Variants in DGKZ observed in about 807,000 individuals in gnomAD.
DGKZ encodes diacylglycerol kinase zeta, also known as DAG kinase zeta.
In DGKZ, 45 loss-of-function variants were observed where a neutral mutation model predicts 142.5. The ratio of observed to expected loss-of-function variants is 0.32; its 90% confidence interval spans 0.25 to 0.40. The LOEUF (loss-of-function observed/expected upper bound fraction) is 0.40, where lower values mean the gene tolerates loss of function less well. Ranked by LOEUF, DGKZ falls within the 10% of genes least tolerant of loss-of-function variation. The pLI, the probability that DGKZ is intolerant of heterozygous loss-of-function variation, is 1.00. For missense variants in DGKZ, 755 were observed against 1,306.5 expected (o/e 0.58, Z 6.51); for synonymous variants, 442 against 527.0 (o/e 0.84, Z 2.21).
At chr11:46,335,997 T>A (rs1362506473) in intron 1 of DGKZ, among the ~76,000 whole-genome samples, 1 of 152,136 alleles carries the variant, frequency 6.6e-6, no homozygotes, top group Non-Finnish European at 1.5e-5. Flanking sequence ...CAGCTAAACC[T>A]CCTACCCTGC....
At chr11:46,374,183 C>T (rs1164618841) in exon 15 of DGKZ, 2 of 1,614,228 alleles carry the variant, frequency 1.2e-6, no homozygotes, top group African/African-American at 1.3e-5. Flanking sequence ...TCAACAACTA[C>T]TTCAGCCTGG....
rs567919498 is a variant in DGKZ at position 46,380,126 on chromosome 11, G to A, written c.*179G>A. 306 of 631,476 alleles carry A rather than the reference G, an allele frequency of 4.8e-4. 1 individual carries two copies. The African/African-American group carries it at 5.2e-3, about 11-fold the overall frequency. 39.1% of individuals were successfully genotyped at this position (631,476 alleles called of 1,614,324 possible). ...TAGGGCTGGACTCAGGAGCTGGGGG[G>A]GCCTCACCTGTTCCCCTGAGGACCC... On this transcript the variant is annotated 3_prime_UTR_variant, in exon 31 of 31. Coordinates refer to ENST00000527911, the Ensembl canonical transcript of DGKZ.
intron 25 of DGKZ, chr11:46,377,479 A>T: frequency 2.0e-6 from 1 of 489,700 alleles, no homozygotes; most frequent in Non-Finnish European, 3.4e-6. Flanking sequence ...CCACCTGAGC[A>T]CTCCTCCCCA....
chr11:46,362,157 G>C (rs1033284129), intron 1 of DGKZ, among the ~76,000 whole-genome samples: 4 of 152,146 alleles, frequency 2.6e-5, no homozygotes, highest in African/African-American at 9.7e-5. Flanking sequence ...GCAGCTGCAG[G>C]CCCTTGCTCT....
At position 46,354,518 on chromosome 11, in the gene DGKZ, A is replaced by T. The variant is rs192814141; in HGVS notation, c.161+6698A>T. On this transcript the variant is annotated intron_variant, in intron 1 of 30. Transcript: ENST00000527911. ...GCCTCTGGAGTCTTTTTAAGAAATG[A>T]TTTTGAAATCTTTCTAAACACATTA... 2.7e-3 allele frequency among the ~76,000 whole-genome samples: 404 copies of T among 152,292 alleles called. 2 individuals carry two copies. Among genetic ancestry groups the T allele is most frequent in the African/African-American group, 9.4e-3 (390 of 41,548 alleles).
chr11:46,371,851 C>A, intron 9 of DGKZ, 76 bp downstream of exon 9: 2 of 1,520,178 alleles, frequency 1.3e-6, no homozygotes, highest in South Asian at 1.2e-5. Flanking sequence ...GAACTTCCAC[C>A]CCCAGCTAAT....
intron 5 of DGKZ, 52 bp downstream of exon 5, chr11:46,369,602 G>A: frequency 6.2e-7 from 1 of 1,607,358 alleles, no homozygotes. Flanking sequence ...TCCTGCATGG[G>A]CCTCTGCGCA....
Position 46,333,371 on chromosome 11 carries a change from CG to C in DGKZ, c.100del (p.Glu34ArgfsTer102). Reference sequence around the variant, plus strand: ...AGGTGGTGCGGCGGCGATGCCGGCGCGGGGAGGAGGCCCAGGTCGCGCAGCC... The same window carrying C: ...AGGTGGTGCGGCGGCGATGCCGGCGCGGGAGGAGGCCCAGGTCGCGCAGCC... On this transcript the variant is annotated frameshift_variant, in exon 1 of 31. Coordinates refer to the DGKZ transcript ENST00000343674. LOFTEE classifies it high-confidence loss of function. The C allele has an allele frequency of 7.2e-7, 1 of 1,380,516 alleles. No homozygotes were observed. 85.5% of individuals were successfully genotyped at this position (1,380,516 alleles called of 1,614,324 possible).
intron 1 of DGKZ, chr11:46,366,780 AC>A (rs1276239524): frequency 6.5e-7 from 1 of 1,547,852 alleles, no homozygotes; most frequent in Non-Finnish European, 8.7e-7. Context: ...GTATATGACC[AC>A]GCTCTCTGGG....
chr11:46,361,639 C>G, intron 1 of DGKZ: 4 of 985,586 alleles, frequency 4.1e-6, no homozygotes, highest in Non-Finnish European at 4.8e-6. Context: ...GGCCGCCAGC[C>G]CGGAGCTGGA....
intron 1 of DGKZ, among the ~76,000 whole-genome samples, chr11:46,357,507 T>C (rs1942167739): frequency 6.6e-6 from 1 of 152,292 alleles, no homozygotes; most frequent in South Asian, 2.1e-4. Context: ...TGGTCAGCCG[T>C]TGCATGTGGT....
In DGKZ at chr11:46,372,617, G is replaced by A. The variant is rs1402834139; in HGVS notation, c.1011G>A (p.Ala337=). 5.6e-6 allele frequency: 9 copies of A among 1,613,790 alleles called. No individual in the cohort carries two copies. The East Asian group carries it at 1.6e-4, about 28-fold the overall frequency. Residue 337 remains alanine, a splice_region_variant and synonymous_variant, in exon 12 of 31, where the codon GCG becomes GCA. Transcript: ENST00000527911. This position sits in a 1 kb window ranked among gnomAD's most constrained non-coding sequence, Gnocchi z 5.9. ...CACTGCCATCTTCCCATGAGCCCAG[G>A]CTGGAGATGTACCGCAAAGTGCACA...
intron 1 of DGKZ, among the ~76,000 whole-genome samples, chr11:46,334,615 G>A (rs967973158): frequency 2.0e-5 from 3 of 152,170 alleles, no homozygotes; most frequent in Non-Finnish European, 2.9e-5. Flanking sequence ...TTTCCAAGAA[G>A]CAAGATGCTC....
chr11:46,360,744 C>G (rs1356102205), intron 1 of DGKZ, among the ~76,000 whole-genome samples: 2 of 152,000 alleles, frequency 1.3e-5, no homozygotes, highest in African/African-American at 2.4e-5. Flanking sequence ...TGAGATCACG[C>G]CATTGCACTC....
At position 46,374,746 on chromosome 11, in the gene DGKZ, C is replaced by A. The variant is rs546986367; in HGVS notation, c.1525-20C>A. 17 of 1,612,462 alleles carry A rather than the reference C, an allele frequency of 1.1e-5. No individual in the cohort carries two copies. The highest frequency in any genetic ancestry group is 1.1e-5 in the Non-Finnish European group (13 of 1,179,216). ...GCCACCTGGCACATGCACCTCAACA[C>A]CCTCCCCGCCCGCCTCCAGTGTGAT... On this transcript the variant is annotated intron_variant, in intron 17 of 30. Coordinates refer to ENST00000527911, the Ensembl canonical transcript of DGKZ.
chr11:46,379,235 A>G (rs749637171), exon 29 of DGKZ: 1 of 1,613,086 alleles, frequency 6.2e-7, no homozygotes, highest in Non-Finnish European at 8.5e-7. Flanking sequence ...GGTGGAGGAA[A>G]AGTAAGTATC....
In DGKZ at chr11:46,376,333, C is replaced by T. The variant is rs750130100; in HGVS notation, c.2097C>T (p.Pro699=). ...GCCTTTGCTTCTCTCAACAGGAGCC[C>T]GATGGTGCTGGAGCCAAGTCCCCGA... is the stretch of plus-strand genomic sequence containing the variant. The change falls in exon 23 of 31, where the codon CCC becomes CCT. Residue 699 remains proline (P), a synonymous_variant. Coordinates refer to ENST00000527911, the Ensembl canonical transcript of DGKZ. The T allele has an allele frequency of 2.0e-5, 33 of 1,613,912 alleles. 1 individual carries two copies. Among genetic ancestry groups the T allele is most frequent in the South Asian group, 1.4e-4 (13 of 91,086 alleles).
Position 46,369,558 on chromosome 11 carries a change from C to G in DGKZ, c.501+8C>G, listed in dbSNP as rs1272124564. 1.2e-6 allele frequency: 2 copies of G among 1,612,266 alleles called. No homozygotes were observed. The highest frequency in any genetic ancestry group is 1.7e-6 in the Non-Finnish European group (2 of 1,179,912). ...TCCAGGAATGTCCGCGAGGTAAGTG[C>G]CCAGGGTGGTCAGGGATGGGGCCAC... is the stretch of plus-strand genomic sequence containing the variant. On this transcript the variant is annotated splice_region_variant and intron_variant, in intron 5 of 30. Transcript: ENST00000527911.
chr11:46,347,487 AG>A lies in DGKZ; in HGVS notation c.-172del, dbSNP rs1940773283. Reference sequence around the variant, plus strand: ...CGGCACTTCCTGGAGCGGCGGCGGCAGCGGCTTCCCGGGCACCTGGGCGTGG... The same window carrying A: ...CGGCACTTCCTGGAGCGGCGGCGGCACGGCTTCCCGGGCACCTGGGCGTGG... On this transcript the variant is annotated 5_prime_UTR_variant, in exon 1 of 31. Coordinates refer to ENST00000527911, the Ensembl canonical transcript of DGKZ. This position sits in a 1 kb window ranked among gnomAD's most constrained non-coding sequence, Gnocchi z 6.4. 3.1e-6 allele frequency: 3 copies of A among 981,378 alleles called. No individual in the cohort carries two copies. The highest frequency in any genetic ancestry group is 3.6e-6 in the Non-Finnish European group (3 of 828,594). 60.8% of individuals were successfully genotyped at this position (981,378 alleles called of 1,614,324 possible). A position where few individuals can be genotyped will look rare whatever the true frequency, so the allele number is the denominator to read the frequency against.
Sources: allele counts gnomAD v4.1 joint callset (sites outside exome capture counted in the v4.1 genomes callset), GRCh38; gene constraint gnomAD v4.1.1; non-coding constraint Gnocchi (gnomAD v3.1); transcripts MANE v1.5; gene names NCBI Gene and HGNC (gene_info 2026-07-23, HGNC 2026-07-21).